The following CDH12 variants were observed in gnomAD, a reference collection of about 807,000 sequenced individuals.
CDH12 encodes cadherin-12.
Under a neutral mutation model 74.1 loss-of-function variants are expected in CDH12, and 41 were observed. The observed-to-expected ratio is 0.55, with a 90% CI of 0.43 to 0.72. The LOEUF is 0.72. Ranked by LOEUF, CDH12 falls within the 30% of genes least tolerant of loss-of-function variation. CDH12 has a pLI of 0.00. For synonymous variants in CDH12, 399 were observed against 355.0 expected (o/e 1.12, Z -1.39); for missense variants, 945 against 977.2 (o/e 0.97, Z 0.44).
chr5:22,523,967 C>A (rs34279963), intron 1 of CDH12, among the ~76,000 whole-genome samples: 23,430 of 147,466 alleles, frequency 0.16, 2,430 homozygotes, highest in East Asian at 0.37. Flanking sequence ...ATGCTTCATT[C>A]ATTTATTATT....
At chr5:22,453,863 TAAGTAATCGATTATTTTA>T (rs1286288539) in intron 2 of CDH12, among the ~76,000 whole-genome samples, 2 of 152,142 alleles carry the variant, frequency 1.3e-5, no homozygotes, top group African/African-American at 4.8e-5. Flanking sequence ...AAATTATTAC[TAAGTAATCGATTATTTTA>T]ATATTTATAT....
intron 4 of CDH12, among the ~76,000 whole-genome samples, chr5:22,104,821 G>GTA (rs1190564547): frequency 6.6e-6 from 1 of 152,104 alleles, no homozygotes; most frequent in Non-Finnish European, 1.5e-5. Context: ...AGTGAGAGAT[G>GTA]TATACATTTG....
At chr5:22,819,633 A>G (rs1275262568) in intron 1 of CDH12, among the ~76,000 whole-genome samples, 1 of 151,942 alleles carries the variant, frequency 6.6e-6, no homozygotes, top group Non-Finnish European at 1.5e-5. Flanking sequence ...AAATACATAT[A>G]CACCCACATC....
intron 5 of CDH12, among the ~76,000 whole-genome samples, chr5:22,023,027 T>G (rs1738090008): frequency 6.6e-6 from 1 of 152,176 alleles, no homozygotes; most frequent in African/African-American, 2.4e-5. Context: ...TTATCTCATA[T>G]TAACCCCCCC....
rs1749894443 is a variant in CDH12 at position 21,842,062 on chromosome 5, A to C, written c.814+99T>G. 5.5e-6 allele frequency: 5 copies of C among 906,056 alleles called. No individual in the cohort carries two copies. The South Asian group carries it at 8.8e-5, about 16-fold the overall frequency. 56.1% of individuals were successfully genotyped at this position (906,056 alleles called of 1,614,324 possible). On this transcript the variant is annotated intron_variant, in intron 8 of 14. Coordinates refer to ENST00000382254, the MANE Select transcript of CDH12 (RefSeq NM_004061.5). ...CATTAGCTTCTGCTTCCTAAAGACT[A>C]AGTGTCTGGAAAATGATTGTCATTC...
intron 6 of CDH12, among the ~76,000 whole-genome samples, chr5:21,944,990 A>G (rs1314999508): frequency 6.6e-6 from 1 of 152,202 alleles, no homozygotes; most frequent in Non-Finnish European, 1.5e-5. Flanking sequence ...ATAGGGAACC[A>G]TCTACGAAAT....
At chr5:22,700,821 T>C (rs936991090) in intron 1 of CDH12, among the ~76,000 whole-genome samples, 1 of 152,208 alleles carries the variant, frequency 6.6e-6, no homozygotes, top group Non-Finnish European at 1.5e-5. Context: ...AGATATAAAG[T>C]AGTCCTTAAC....
chr5:22,745,130 T>C (rs890649062), intron 1 of CDH12, among the ~76,000 whole-genome samples: 2 of 152,032 alleles, frequency 1.3e-5, no homozygotes, highest in African/African-American at 4.8e-5. Flanking sequence ...GTTTATGAAA[T>C]GTTCCCTAAA....
chr5:22,119,918 C>T (rs2150273591), intron 4 of CDH12, among the ~76,000 whole-genome samples: 1 of 152,202 alleles, frequency 6.6e-6, no homozygotes, highest in African/African-American at 2.4e-5. Context: ...CTAATAAAAA[C>T]TTCATTAAAG....
At chr5:22,098,615 C>T (rs545792695) in intron 4 of CDH12, among the ~76,000 whole-genome samples, 9 of 152,316 alleles carry the variant, frequency 5.9e-5, no homozygotes, top group East Asian at 3.9e-4. Context: ...ATACTTTCTG[C>T]TCCCCAGCTC....
At chr5:22,014,705 C>G (rs576395279) in intron 5 of CDH12, among the ~76,000 whole-genome samples, 1 of 152,180 alleles carries the variant, frequency 6.6e-6, no homozygotes, top group African/African-American at 2.4e-5. Context: ...AATTTTACCT[C>G]ATTCATAACA....
intron 2 of CDH12, among the ~76,000 whole-genome samples, chr5:22,503,059 C>T (rs922832345): frequency 6.6e-6 from 1 of 152,066 alleles, no homozygotes; most frequent in Non-Finnish European, 1.5e-5. Context: ...AAAATGCCAA[C>T]TTCAACCATA....
chr5:22,360,392 A>G (rs1206282652), intron 3 of CDH12, among the ~76,000 whole-genome samples: 2 of 152,308 alleles, frequency 1.3e-5, no homozygotes, highest in Non-Finnish European at 2.9e-5. Flanking sequence ...AAGAAGTTGA[A>G]TCTCTGAATA....
At chr5:22,550,327 T>A (rs758078046) in intron 1 of CDH12, among the ~76,000 whole-genome samples, 11 of 152,252 alleles carry the variant, frequency 7.2e-5, no homozygotes, top group Non-Finnish European at 1.5e-4. Context: ...CTGACTGCAT[T>A]TCCCATTGCC....
intron 1 of CDH12, among the ~76,000 whole-genome samples, chr5:22,852,280 C>T (rs1056434987): frequency 6.6e-6 from 1 of 151,698 alleles, no homozygotes; most frequent in African/African-American, 2.4e-5. Flanking sequence ...ACTGTGGTCC[C>T]GATGTAGCAA....
chr5:22,055,923 T>A (rs1166065314), intron 5 of CDH12, among the ~76,000 whole-genome samples: 1 of 152,150 alleles, frequency 6.6e-6, no homozygotes, highest in Non-Finnish European at 1.5e-5. Flanking sequence ...TGTTTGCACA[T>A]ATTGATAAAA....
chr5:22,388,951 C>A (rs1038743226), intron 3 of CDH12, among the ~76,000 whole-genome samples: 1 of 152,156 alleles, frequency 6.6e-6, no homozygotes, highest in African/African-American at 2.4e-5. Context: ...GGAGTTTAAA[C>A]AAATGTCCAT....
At chr5:22,557,485 T>A (rs559857099) in intron 1 of CDH12, among the ~76,000 whole-genome samples, 1 of 151,956 alleles carries the variant, frequency 6.6e-6, no homozygotes, top group East Asian at 1.9e-4. Context: ...GCAAAGATAA[T>A]GTGCATTGGA....
chr5:22,245,990 CTA>C (rs1164538949), intron 3 of CDH12, among the ~76,000 whole-genome samples: 1 of 152,114 alleles, frequency 6.6e-6, no homozygotes, highest in Non-Finnish European at 1.5e-5. Context: ...AATGGAATAA[CTA>C]TGTAACAAGT....
Sources: allele counts gnomAD v4.1 joint callset (sites outside exome capture counted in the v4.1 genomes callset), GRCh38; gene constraint gnomAD v4.1.1; transcripts MANE v1.5; gene names NCBI Gene and HGNC (gene_info 2026-07-23, HGNC 2026-07-21).